TMEM132D: variants seen among roughly 807,000 people sequenced by gnomAD.
The protein encoded by TMEM132D is transmembrane protein 132D.
A neutral mutation model predicts 62.3 loss-of-function variants in TMEM132D; 21 were observed. The ratio of observed to expected loss-of-function variants is 0.34; its 90% CI spans 0.24 to 0.49. TMEM132D has a LOEUF of 0.49. Ranked by LOEUF, TMEM132D falls within the 20% of genes least tolerant of loss-of-function variation. The probability of loss-of-function intolerance (pLI) is 0.99; values close to 1 mark genes in which losing one functional copy is unlikely to be tolerated. For missense variants in TMEM132D, 1,346 were observed against 1,402.8 expected, an observed-to-expected ratio of 0.96 and a Z score of 0.65; for synonymous variants, 621 against 575.6, an observed-to-expected ratio of 1.08 and a Z score of -1.13.
At chr12:129,097,094 C>G (rs772348248) in intron 5 of TMEM132D, among the ~76,000 whole-genome samples, 2 of 152,256 alleles carry the variant, frequency 1.3e-5, no homozygotes, top group Non-Finnish European at 2.9e-5. Context: ...CAGGGTTTCT[C>G]TGCCCCTGCC....
chr12:129,665,916 A>G (rs1331747217), intron 2 of TMEM132D, among the ~76,000 whole-genome samples: 1 of 152,182 alleles, frequency 6.6e-6, no homozygotes, highest in Non-Finnish European at 1.5e-5. Flanking sequence ...AGAATTACCT[A>G]GTTTACAATT....
chr12:129,234,749 C>T (rs7295150), intron 4 of TMEM132D, among the ~76,000 whole-genome samples: 62,546 of 151,966 alleles, frequency 0.41, 13,726 homozygotes, highest in Middle Eastern at 0.49. Context: ...GTTTTAATAA[C>T]TGATAGAAAT....
chr12:129,871,682 A>G (rs79900090), intron 1 of TMEM132D, among the ~76,000 whole-genome samples: 5,191 of 152,270 alleles, frequency 0.034, 151 homozygotes, highest in South Asian at 0.1. Context: ...AAAATCTTCA[A>G]GAATTTAGCA....
At chr12:129,148,842 A>T (rs901421) in intron 5 of TMEM132D, among the ~76,000 whole-genome samples, 83,205 of 142,960 alleles carry the variant, frequency 0.58, 24,459 homozygotes, top group African/African-American at 0.74. Flanking sequence ...ACCCTCCCCA[A>T]GAGGACATCC....
At position 129,089,498 on chromosome 12, in the gene TMEM132D, GTGTCCTCT is replaced by G. The variant is rs1874827832; in HGVS notation, c.1444-4804_1444-4797del. On this transcript the variant is annotated intron_variant, in intron 5 of 8. Coordinates refer to ENST00000422113, the MANE Select transcript of TMEM132D (RefSeq NM_133448.3). Reference sequence around the variant, plus strand: ...ATGACCGGGTGTCCTCCATGACCGGGTGTCCTCTATGACCGGGTGTCCTCCATGACCGG... The same window carrying G: ...ATGACCGGGTGTCCTCCATGACCGGGATGACCGGGTGTCCTCCATGACCGG... Among the ~76,000 whole-genome samples the G allele has an allele frequency of 1.2e-4, 8 of 66,258 alleles. 1 individual carries two copies. Among genetic ancestry groups the G allele is most frequent in the African/African-American group, 2.9e-4 (7 of 23,736 alleles). 43.5% of individuals were successfully genotyped at this position (66,258 alleles called of 152,430 possible). A position where few individuals can be genotyped will look rare whatever the true frequency, so the allele number is the denominator to read the frequency against.
At chr12:129,471,678 A>G (rs1201356737) in intron 3 of TMEM132D, among the ~76,000 whole-genome samples, 1 of 152,254 alleles carries the variant, frequency 6.6e-6, no homozygotes, top group Non-Finnish European at 1.5e-5. Context: ...AAGAGGTGAT[A>G]GGCCAAAATC....
intron 2 of TMEM132D, among the ~76,000 whole-genome samples, chr12:129,617,711 A>G (rs1195944746): frequency 2.0e-5 from 3 of 152,118 alleles, no homozygotes; most frequent in African/African-American, 4.8e-5. Flanking sequence ...TGGTTCATCA[A>G]TGTCATCTTC....
intron 3 of TMEM132D, among the ~76,000 whole-genome samples, chr12:129,494,694 AC>A (rs1874895762): frequency 6.6e-6 from 1 of 152,180 alleles, no homozygotes; most frequent in Admixed American, 6.5e-5. Context: ...AGAGAATGGA[AC>A]ATGATATGTC....
chr12:129,884,935 T>C (rs987831350), intron 1 of TMEM132D, among the ~76,000 whole-genome samples: 1 of 152,172 alleles, frequency 6.6e-6, no homozygotes, highest in Non-Finnish European at 1.5e-5. Flanking sequence ...GGCATACTAC[T>C]CAGTAATAAA....
At chr12:129,405,211 G>A (rs1033993556) in intron 3 of TMEM132D, among the ~76,000 whole-genome samples, 2 of 152,136 alleles carry the variant, frequency 1.3e-5, no homozygotes, top group African/African-American at 4.8e-5. Flanking sequence ...TTGGCTCCTG[G>A]TGAGGGCTCT....
intron 2 of TMEM132D, among the ~76,000 whole-genome samples, chr12:129,687,734 G>A (rs193207220): frequency 6.6e-6 from 1 of 152,094 alleles, no homozygotes; most frequent in African/African-American, 2.4e-5. Flanking sequence ...GGCTTCCGAG[G>A]TCTAGGGAGC....
At chr12:129,741,767 G>C (rs890611179) in intron 1 of TMEM132D, among the ~76,000 whole-genome samples, 1 of 152,194 alleles carries the variant, frequency 6.6e-6, no homozygotes. Context: ...TTAAATGAGT[G>C]ATGCTAGTCT....
intron 7 of TMEM132D, among the ~76,000 whole-genome samples, chr12:129,080,630 C>A (rs77784796): frequency 0.031 from 4,747 of 152,262 alleles, 111 homozygotes; most frequent in Non-Finnish European, 0.044. Flanking sequence ...CCTGATAAGA[C>A]AATCGCATTG....
chr12:129,102,027 T>A (rs1411265900), intron 5 of TMEM132D, among the ~76,000 whole-genome samples: 1 of 145,178 alleles, frequency 6.9e-6, no homozygotes, highest in Non-Finnish European at 1.5e-5. Flanking sequence ...TGGAATGGAA[T>A]GAAAATGGAA....
intron 1 of TMEM132D, among the ~76,000 whole-genome samples, chr12:129,723,267 G>A (rs371508766): frequency 5.9e-5 from 9 of 152,274 alleles, no homozygotes; most frequent in Middle Eastern, 3.4e-3. Flanking sequence ...GGAGAAGCTC[G>A]GCATTTTGTC....
chr12:129,288,423 C>A (rs1881362629), intron 4 of TMEM132D, among the ~76,000 whole-genome samples: 2 of 152,232 alleles, frequency 1.3e-5, no homozygotes, highest in Admixed American at 1.3e-4. Context: ...ACTAAGAACC[C>A]AATTTTAAAA....
At chr12:129,464,438 G>T (rs1455694597) in intron 3 of TMEM132D, among the ~76,000 whole-genome samples, 1 of 152,070 alleles carries the variant, frequency 6.6e-6, no homozygotes, top group African/African-American at 2.4e-5. Context: ...TCACTCTGAT[G>T]GTAGTTTCTT....
chr12:129,693,254 A>C (rs1306610973), intron 2 of TMEM132D, among the ~76,000 whole-genome samples: 1 of 152,214 alleles, frequency 6.6e-6, no homozygotes, highest in African/African-American at 2.4e-5. Flanking sequence ...CAATAGCCAG[A>C]GTGGGAAAAT....
intron 4 of TMEM132D, among the ~76,000 whole-genome samples, chr12:129,261,210 G>C (rs1307678029): frequency 2.0e-5 from 3 of 152,132 alleles, no homozygotes; most frequent in Non-Finnish European, 2.9e-5. Flanking sequence ...AAATACCATA[G>C]ATTGTGATGC....
Sources: gnomAD v4.1 joint callset for allele counts (sites outside exome capture counted in the v4.1 genomes callset) on GRCh38, gnomAD v4.1.1 for gene constraint, MANE v1.5 for transcripts, NCBI Gene and HGNC (gene_info 2026-07-23, HGNC 2026-07-21) for gene names.